The following SLC8A1 variants were observed in gnomAD, a reference collection of about 807,000 sequenced individuals.
The protein encoded by SLC8A1 is sodium/calcium exchanger 1.
Under a neutral mutation model 68.3 loss-of-function variants are expected in SLC8A1, and 18 were observed. That is an observed-to-expected ratio of 0.26 (90% confidence interval 0.18 to 0.39). The LOEUF (loss-of-function observed/expected upper bound fraction) is 0.39. SLC8A1 is among the 10% of genes least tolerant of loss of function. The probability of loss-of-function intolerance (pLI) is 1.00; values close to 1 mark genes in which losing one functional copy is unlikely to be tolerated. For missense variants in SLC8A1, 985 were observed against 1,156.7 expected (o/e 0.85, Z 2.15); for synonymous variants, 475 against 415.5 (o/e 1.14, Z -1.74).
intron 4 of SLC8A1, among the ~76,000 whole-genome samples, chr2:40,169,147 G>A (rs1490743591): frequency 6.6e-6 from 1 of 152,214 alleles, no homozygotes. Flanking sequence ...AGTGTAAGAG[G>A]TGAAGTGCTG....
intron 1 of SLC8A1, among the ~76,000 whole-genome samples, chr2:40,490,883 A>G (rs1306788926): frequency 6.6e-6 from 1 of 152,120 alleles, no homozygotes; most frequent in Non-Finnish European, 1.5e-5. Flanking sequence ...CATCGTACTG[A>G]GATACAAAAT....
At chr2:40,355,681 C>T (rs946069249) in intron 2 of SLC8A1, among the ~76,000 whole-genome samples, 1 of 152,118 alleles carries the variant, frequency 6.6e-6, no homozygotes, top group African/African-American at 2.4e-5. Context: ...AAATCCAGCT[C>T]GCTTTAATTT....
intron 1 of SLC8A1, among the ~76,000 whole-genome samples, chr2:40,507,887 G>C (rs1559779796): frequency 6.6e-6 from 1 of 152,052 alleles, no homozygotes; most frequent in Admixed American, 6.6e-5. Context: ...TTTGAACATA[G>C]ATTTGTCTGA....
At chr2:40,456,709 C>A (rs1044857669), upstream of SLC8A1, among the ~76,000 whole-genome samples, 2 of 152,126 alleles carry the variant, frequency 1.3e-5, no homozygotes, top group Non-Finnish European at 2.9e-5. Flanking sequence ...AGTAATTGCT[C>A]AGCAAACGAT....
chr2:40,232,888 G>A (rs1288695171), intron 2 of SLC8A1, among the ~76,000 whole-genome samples: 1 of 147,092 alleles, frequency 6.8e-6, no homozygotes, highest in Admixed American at 6.9e-5. Flanking sequence ...TGAGAATGAT[G>A]GTTTCCAATT....
At chr2:40,261,182 C>T (rs372352437) in intron 2 of SLC8A1, among the ~76,000 whole-genome samples, 2 of 152,096 alleles carry the variant, frequency 1.3e-5, no homozygotes, top group African/African-American at 2.4e-5. Context: ...CAGTCTGGGG[C>T]GTGCTTGCTG....
intron 1 of SLC8A1, among the ~76,000 whole-genome samples, chr2:40,486,527 T>C (rs1258920923): frequency 2.0e-5 from 3 of 152,314 alleles, no homozygotes; most frequent in East Asian, 3.9e-4. Flanking sequence ...ATAATTTTCA[T>C]ACTCCATAGT....
chr2:40,353,536 A>T (rs1671756774), intron 2 of SLC8A1, among the ~76,000 whole-genome samples: 2 of 152,020 alleles, frequency 1.3e-5, no homozygotes, highest in South Asian at 4.1e-4. Context: ...CAAGTCCAAC[A>T]TTCTAATATT....
intron 2 of SLC8A1, among the ~76,000 whole-genome samples, chr2:40,192,046 C>T (rs2148653310): frequency 6.6e-6 from 1 of 152,084 alleles, no homozygotes; most frequent in African/African-American, 2.4e-5. Context: ...TACAATAAGA[C>T]AAATTATATG....
intron 2 of SLC8A1, among the ~76,000 whole-genome samples, chr2:40,404,696 A>G (rs1689786322): frequency 6.6e-6 from 1 of 152,126 alleles, no homozygotes; most frequent in African/African-American, 2.4e-5. Flanking sequence ...GTAAAACTAG[A>G]GCATTTCGGC....
At chr2:40,470,617 A>G (rs1576627877) in intron 1 of SLC8A1, among the ~76,000 whole-genome samples, 2 of 151,982 alleles carry the variant, frequency 1.3e-5, no homozygotes, top group Admixed American at 1.3e-4. Context: ...AAGATCCTAT[A>G]TTTATAAAAA....
At chr2:40,156,724 C>T (rs530972374) in intron 6 of SLC8A1, among the ~76,000 whole-genome samples, 1 of 151,890 alleles carries the variant, frequency 6.6e-6, no homozygotes, top group South Asian at 2.1e-4. Flanking sequence ...AATATCCAAA[C>T]AAATATCTAC....
chr2:40,272,208 C>T (rs1007524814), intron 2 of SLC8A1, among the ~76,000 whole-genome samples: 1 of 152,162 alleles, frequency 6.6e-6, no homozygotes. Flanking sequence ...TCATGTCTCT[C>T]CTTTGTTCTT....
At chr2:40,337,642 A>G (rs1666396448) in intron 2 of SLC8A1, among the ~76,000 whole-genome samples, 1 of 152,138 alleles carries the variant, frequency 6.6e-6, no homozygotes. Flanking sequence ...ACAATCTCCT[A>G]AACCTTTCCC....
intron 2 of SLC8A1, among the ~76,000 whole-genome samples, chr2:40,411,224 C>T (rs1168820360): frequency 6.6e-6 from 1 of 151,994 alleles, no homozygotes; most frequent in Admixed American, 6.6e-5. Flanking sequence ...AATCTACGCA[C>T]ATTTCAAAGG....
chr2:40,198,950 A>AC (rs398104218), intron 2 of SLC8A1, among the ~76,000 whole-genome samples: 69 of 151,500 alleles, frequency 4.6e-4, no homozygotes, highest in African/African-American at 1.6e-3. Flanking sequence ...AAAAAAAAAA[A>AC]GAAGTTGAAC....
intron 2 of SLC8A1, among the ~76,000 whole-genome samples, chr2:40,216,993 T>A (rs1378240153): frequency 6.6e-6 from 1 of 152,242 alleles, no homozygotes; most frequent in Non-Finnish European, 1.5e-5. Context: ...GCCGAAGCTT[T>A]TTAGTTTAAT....
At chr2:40,426,233 A>G (rs1423409664) in intron 2 of SLC8A1, among the ~76,000 whole-genome samples, 1 of 152,058 alleles carries the variant, frequency 6.6e-6, no homozygotes, top group Non-Finnish European at 1.5e-5. Context: ...TCACATTTCA[A>G]TTAAGCAAAT....
intron 2 of SLC8A1, among the ~76,000 whole-genome samples, chr2:40,268,405 A>G (rs1021550938): frequency 6.6e-6 from 1 of 152,200 alleles, no homozygotes; most frequent in Non-Finnish European, 1.5e-5. Context: ...GTTGCCTCTA[A>G]CATTTTTCAT....
Sources: allele counts gnomAD v4.1 joint callset (sites outside exome capture counted in the v4.1 genomes callset), GRCh38; gene constraint gnomAD v4.1.1; transcripts MANE v1.5; gene names NCBI Gene and HGNC (gene_info 2026-07-23, HGNC 2026-07-21).